Variants in PDE10A observed in about 807,000 individuals in gnomAD.
The protein encoded by PDE10A is phosphodiesterase 10A.
In PDE10A, 39 loss-of-function variants were observed where a neutral mutation model predicts 97.7. The observed-to-expected ratio is 0.40, with a 90% CI of 0.31 to 0.52. The LOEUF is 0.52. Ranked by LOEUF, PDE10A falls within the 20% of genes least tolerant of loss-of-function variation. The pLI is 0.56. For synonymous variants in PDE10A, 371 were observed against 376.8 expected, an observed-to-expected ratio of 0.98 and a Z score of 0.18; for missense variants, 731 against 1,047.8, an observed-to-expected ratio of 0.70 and a Z score of 4.17.
At chr6:165,881,368 G>A (rs1781467517) in intron 1 of PDE10A, among the ~76,000 whole-genome samples, 1 of 149,372 alleles carries the variant, frequency 6.7e-6, no homozygotes, top group African/African-American at 2.5e-5. Context: ...ACAGCAACAA[G>A]CAATTTCTTT....
At chr6:165,641,021 C>T (rs1016855979) in intron 1 of PDE10A, among the ~76,000 whole-genome samples, 15 of 152,118 alleles carry the variant, frequency 9.9e-5, no homozygotes, top group African/African-American at 3.6e-4. Context: ...CCGTGGCCAG[C>T]CCTTCAGCTC....
At chr6:165,910,659 C>T (rs763436799) in intron 1 of PDE10A, 8 of 152,098 alleles carry the variant, frequency 5.3e-5, no homozygotes, top group Non-Finnish European at 1.2e-4. Flanking sequence ...ATTTCCACCC[C>T]ACCCTCAATA....
At chr6:165,454,242 C>T (rs942066613) in intron 3 of PDE10A, among the ~76,000 whole-genome samples, 12 of 152,258 alleles carry the variant, frequency 7.9e-5, no homozygotes, top group East Asian at 3.9e-4. Flanking sequence ...TGTTTCAGGA[C>T]GAATTGTCCC....
At chr6:165,414,763 C>T (rs2128228318) in intron 12 of PDE10A, among the ~76,000 whole-genome samples, 1 of 152,286 alleles carries the variant, frequency 6.6e-6, no homozygotes, top group South Asian at 2.1e-4. Context: ...CCTGTTTTCC[C>T]AAGCGGTTGT....
At chr6:165,729,857 C>T (rs1792385325) in intron 1 of PDE10A, among the ~76,000 whole-genome samples, 2 of 152,064 alleles carry the variant, frequency 1.3e-5, no homozygotes. Context: ...GATAACATTG[C>T]AAGCTGGAAG....
At chr6:165,759,389 G>T (rs1406053654) in intron 1 of PDE10A, among the ~76,000 whole-genome samples, 1 of 152,144 alleles carries the variant, frequency 6.6e-6, no homozygotes, top group African/African-American at 2.4e-5. Flanking sequence ...GCTTTGAGGT[G>T]GAACCAGTCC....
chr6:165,463,600 A>G (rs1778453681), intron 3 of PDE10A, among the ~76,000 whole-genome samples: 1 of 152,234 alleles, frequency 6.6e-6, no homozygotes, highest in South Asian at 2.1e-4. Context: ...TCCTGCGAGA[A>G]GTAGCTGACC....
chr6:165,705,940 C>G (rs972836929), intron 1 of PDE10A, among the ~76,000 whole-genome samples: 10 of 152,170 alleles, frequency 6.6e-5, no homozygotes, highest in African/African-American at 2.4e-4. Flanking sequence ...AGCCACAGTT[C>G]CTGTTGTGAG....
intron 15 of PDE10A, among the ~76,000 whole-genome samples, chr6:165,392,998 T>C (rs1457132358): frequency 6.6e-6 from 1 of 152,154 alleles, no homozygotes; most frequent in Non-Finnish European, 1.5e-5. Context: ...AGTAAGAGGA[T>C]AAAGACTCTT....
intron 1 of PDE10A, among the ~76,000 whole-genome samples, chr6:165,761,126 A>G (rs1793240097): frequency 6.6e-6 from 1 of 151,920 alleles, no homozygotes; most frequent in Non-Finnish European, 1.5e-5. Context: ...CGCTAGCAGG[A>G]CTCTCAACTT....
chr6:165,463,931 C>T (rs1391778516), intron 3 of PDE10A, among the ~76,000 whole-genome samples: 2 of 152,226 alleles, frequency 1.3e-5, no homozygotes, highest in African/African-American at 4.8e-5. Flanking sequence ...CAACCTATTC[C>T]TTTAATTAGG....
At chr6:165,719,995 A>C (rs980019685) in intron 1 of PDE10A, among the ~76,000 whole-genome samples, 7 of 152,232 alleles carry the variant, frequency 4.6e-5, no homozygotes, top group Non-Finnish European at 7.3e-5. Context: ...AAACGTGAGG[A>C]TCGGGGAGGA....
chr6:165,929,785 G>A (rs558787613), intron 1 of PDE10A, among the ~76,000 whole-genome samples: 4 of 152,326 alleles, frequency 2.6e-5, no homozygotes, highest in South Asian at 2.1e-4. Flanking sequence ...ACCTAGCACC[G>A]GGCTGGCTCA....
At chr6:165,714,906 C>T (rs1382639783) in intron 1 of PDE10A, among the ~76,000 whole-genome samples, 1 of 151,118 alleles carries the variant, frequency 6.6e-6, no homozygotes, top group Non-Finnish European at 1.5e-5. Flanking sequence ...GGAGCACCCC[C>T]TTCCCCAGCC....
intron 1 of PDE10A, among the ~76,000 whole-genome samples, chr6:165,763,335 G>C (rs1437332458): frequency 6.6e-6 from 1 of 152,082 alleles, no homozygotes; most frequent in Non-Finnish European, 1.5e-5. Flanking sequence ...TTGTTTGTTT[G>C]TTTTTGAGAT....
rs1785819516 is a variant in PDE10A, at chr6:165,392,742, C to T, written c.2358G>A (p.Arg786=). ...GCTTCCAGTTGTGATAAGGAACCCGCCGATAGTTCTTCTTCACAGACATAA... is the reference window on the plus strand; with the variant it reads ...GCTTCCAGTTGTGATAAGGAACCCGTCGATAGTTCTTCTTCACAGACATAA... The part of the protein sequence containing the change: ...RFIMSVKKNY[R]RVPYHNWKHA... The change falls in exon 16 of 22, where the codon CGG becomes CGA. Residue 786 remains arginine (R), a synonymous_variant. Transcript: ENST00000539869. 1.9e-6 allele frequency: 3 copies of T among 1,613,774 alleles called. No homozygotes were observed. In the African/African-American group the frequency reaches 4.0e-5, roughly 22 times the overall value.
chr6:165,646,400 G>A (rs1208108161), intron 1 of PDE10A, among the ~76,000 whole-genome samples: 1 of 152,218 alleles, frequency 6.6e-6, no homozygotes, highest in African/African-American at 2.4e-5. Flanking sequence ...AATTTCTTCT[G>A]TGCAGGAAAA....
chr6:165,677,739 T>C (rs1790839726), intron 1 of PDE10A, among the ~76,000 whole-genome samples: 1 of 152,298 alleles, frequency 6.6e-6, no homozygotes, highest in African/African-American at 2.4e-5. Context: ...ACTGTATATA[T>C]GTGCATTTGT....
At chr6:165,736,029 G>A (rs182358937) in intron 1 of PDE10A, among the ~76,000 whole-genome samples, 7 of 152,228 alleles carry the variant, frequency 4.6e-5, no homozygotes, top group South Asian at 4.2e-4. Context: ...ACTTTTTTAC[G>A]CTATTATTCA....
Sources: gnomAD v4.1 joint callset for allele counts (sites outside exome capture counted in the v4.1 genomes callset) on GRCh38, gnomAD v4.1.1 for gene constraint, MANE v1.5 for transcripts, NCBI Gene and HGNC (gene_info 2026-07-23, HGNC 2026-07-21) for gene names.